GALNTL6: variants seen among roughly 807,000 people sequenced by gnomAD.
The protein encoded by GALNTL6 is polypeptide N-acetylgalactosaminyltransferase like 6, also known as polypeptide N-acetylgalactosaminyltransferase-like 6.
GALNTL6 carries 46 observed loss-of-function variants against 73.7 expected under a neutral mutation model. The observed-to-expected ratio is 0.62, with a 90% CI of 0.49 to 0.80. The LOEUF is 0.80. GALNTL6 is among the 30% of genes least tolerant of loss of function. The pLI, the probability that GALNTL6 is intolerant of heterozygous loss-of-function variation, is 0.00. For missense variants in GALNTL6, 604 were observed against 755.0 expected (o/e 0.80, Z 2.34); for synonymous variants, 259 against 263.7 (o/e 0.98, Z 0.17).
intron 2 of GALNTL6, among the ~76,000 whole-genome samples, chr4:171,828,406 C>T (rs1341133925): frequency 6.6e-6 from 1 of 152,120 alleles, no homozygotes; most frequent in Non-Finnish European, 1.5e-5. Context: ...CAAATTACCA[C>T]TAGTGATGCT....
At chr4:172,700,681 T>G (rs1733975361) in intron 5 of GALNTL6, among the ~76,000 whole-genome samples, 1 of 152,186 alleles carries the variant, frequency 6.6e-6, no homozygotes. Context: ...CATCACTTAT[T>G]ACTTTGCTCC....
At chr4:171,984,622 G>A (rs1235011834) in intron 2 of GALNTL6, among the ~76,000 whole-genome samples, 1 of 152,114 alleles carries the variant, frequency 6.6e-6, no homozygotes, top group Non-Finnish European at 1.5e-5. Context: ...AACTTACTTT[G>A]TAGGGAGTGT....
intron 2 of GALNTL6, among the ~76,000 whole-genome samples, chr4:172,041,683 C>T (rs1579082410): frequency 6.6e-6 from 1 of 151,972 alleles, no homozygotes; most frequent in South Asian, 2.1e-4. Context: ...GTATGCCTGG[C>T]CCTTTGCTAC....
intron 5 of GALNTL6, among the ~76,000 whole-genome samples, chr4:172,615,272 T>C (rs1738679234): frequency 1.3e-5 from 2 of 152,160 alleles, no homozygotes; most frequent in African/African-American, 2.4e-5. Flanking sequence ...AACATGCTCC[T>C]GTTCTTTTGA....
At chr4:171,946,283 G>T (rs1403095431) in intron 2 of GALNTL6, among the ~76,000 whole-genome samples, 1 of 152,106 alleles carries the variant, frequency 6.6e-6, no homozygotes, top group African/African-American at 2.4e-5. Flanking sequence ...ATTAAGAAAA[G>T]TTTAAATAAT....
At chr4:171,942,472 T>G (rs1034404155) in intron 2 of GALNTL6, among the ~76,000 whole-genome samples, 1 of 152,180 alleles carries the variant, frequency 6.6e-6, no homozygotes, top group East Asian at 1.9e-4. Flanking sequence ...ACTATTACTC[T>G]GCTTAATTCT....
chr4:172,754,572 C>A (rs911938684), intron 5 of GALNTL6, among the ~76,000 whole-genome samples: 1 of 151,568 alleles, frequency 6.6e-6, no homozygotes, highest in Non-Finnish European at 1.5e-5. Context: ...AACTCCATCT[C>A]GAAAATAAAT....
At chr4:172,733,386 T>C (rs953246294) in intron 5 of GALNTL6, among the ~76,000 whole-genome samples, 18 of 152,204 alleles carry the variant, frequency 1.2e-4, no homozygotes, top group Admixed American at 1.2e-3. Context: ...TTTGATTATC[T>C]AATGCCTTGG....
intron 2 of GALNTL6, among the ~76,000 whole-genome samples, chr4:171,996,708 A>G (rs1230094017): frequency 6.9e-6 from 1 of 143,944 alleles, no homozygotes; most frequent in Non-Finnish European, 1.5e-5. Context: ...ATATATACTA[A>G]CAATAGCTGA....
chr4:171,943,479 T>A (rs1165608841), intron 2 of GALNTL6, among the ~76,000 whole-genome samples: 1 of 152,208 alleles, frequency 6.6e-6, no homozygotes, highest in Non-Finnish European at 1.5e-5. Context: ...ACATATTAAA[T>A]GTTTCACTAC....
chr4:171,977,050 G>A (rs564063042), intron 2 of GALNTL6, among the ~76,000 whole-genome samples: 1 of 152,168 alleles, frequency 6.6e-6, no homozygotes, highest in Non-Finnish European at 1.5e-5. Context: ...GAAGCCGGCT[G>A]CATTTCCTTT....
intron 6 of GALNTL6, among the ~76,000 whole-genome samples, chr4:172,811,869 G>A (rs1196098787): frequency 6.6e-6 from 1 of 152,032 alleles, no homozygotes; most frequent in African/African-American, 2.4e-5. Context: ...CTTATTAATT[G>A]TCTTTGCTTC....
chr4:172,337,775 A>G (rs548049388), intron 4 of GALNTL6, among the ~76,000 whole-genome samples: 102 of 149,396 alleles, frequency 6.8e-4, no homozygotes, highest in Non-Finnish European at 1.3e-3. Flanking sequence ...GTATAGTATC[A>G]TACAAGTGAT....
At chr4:172,092,654 TTTACTC>T (rs920609460) in intron 2 of GALNTL6, among the ~76,000 whole-genome samples, 2 of 152,026 alleles carry the variant, frequency 1.3e-5, no homozygotes, top group African/African-American at 4.8e-5. Context: ...CGCAAAAACT[TTTACTC>T]TTTGATAGAG....
At chr4:172,633,562 A>G (rs1275139345) in intron 5 of GALNTL6, among the ~76,000 whole-genome samples, 1 of 152,078 alleles carries the variant, frequency 6.6e-6, no homozygotes, top group African/African-American at 2.4e-5. Flanking sequence ...GGTGGGAGGG[A>G]CTTGCCTTGT....
chr4:171,913,463 C>T (rs931715864), intron 2 of GALNTL6, among the ~76,000 whole-genome samples: 2 of 152,080 alleles, frequency 1.3e-5, no homozygotes, highest in Admixed American at 6.5e-5. Flanking sequence ...ATTTTACAAA[C>T]GTGTTTTGAC....
At chr4:171,866,372 G>C (rs1164874902) in intron 2 of GALNTL6, among the ~76,000 whole-genome samples, 1 of 151,762 alleles carries the variant, frequency 6.6e-6, no homozygotes, top group Admixed American at 6.6e-5. Context: ...CAATATTACA[G>C]TGAAATATTA....
At chr4:172,210,176 A>AT (rs1198871985) in intron 2 of GALNTL6, among the ~76,000 whole-genome samples, 3 of 152,052 alleles carry the variant, frequency 2.0e-5, no homozygotes, top group East Asian at 3.8e-4. Flanking sequence ...AAGACACCTT[A>AT]TTTTTATCAG....
intron 5 of GALNTL6, among the ~76,000 whole-genome samples, chr4:172,636,987 G>C (rs754342284): frequency 3.3e-5 from 5 of 151,912 alleles, no homozygotes; most frequent in Non-Finnish European, 7.4e-5. Context: ...CTACAGATTT[G>C]TCAAGAGTAT....
Sources: allele counts gnomAD v4.1 joint callset (sites outside exome capture counted in the v4.1 genomes callset), GRCh38; gene constraint gnomAD v4.1.1; transcripts MANE v1.5; gene names NCBI Gene and HGNC (gene_info 2026-07-23, HGNC 2026-07-21).